Variants in MRPL58 observed in about 807,000 individuals in gnomAD.
MRPL58 encodes large ribosomal subunit protein mL62.
In MRPL58, 17 loss-of-function variants were observed where a neutral mutation model predicts 26.0. The ratio of observed to expected loss-of-function variants is 0.65; its 90% CI spans 0.45 to 0.98. MRPL58 has a LOEUF of 0.98. MRPL58 is among the 50% of genes least tolerant of loss of function. The probability of loss-of-function intolerance (pLI) is 0.00; values close to 1 mark genes in which losing one functional copy is unlikely to be tolerated. For missense variants in MRPL58, 250 were observed against 269.0 expected, an observed-to-expected ratio of 0.93 and a Z score of 0.49; for synonymous variants, 100 against 99.7, an observed-to-expected ratio of 1.00 and a Z score of -0.02.
chr17:75,019,832 G>A (rs538527973), intron 3 of MRPL58, 73 bp downstream of exon 3: 1 of 1,174,582 alleles, frequency 8.5e-7, no homozygotes, highest in South Asian at 1.5e-5. Context: ...CTCTGTGTTT[G>A]TGTTCATATG....
chr17:75,016,060 C>CA (rs112220441), intron 1 of MRPL58, among the ~76,000 whole-genome samples: 151,773 of 151,774 alleles, frequency 1, 75,886 homozygotes, highest in Non-Finnish European at 1. Flanking sequence ...GCTGGGATTA[C>CA]GGCGTGAGCC....
chr17:75,019,601 C>G, intron 2 of MRPL58, 99 bp from the exon 3 acceptor site: 1 of 1,185,808 alleles, frequency 8.4e-7, no homozygotes, highest in South Asian at 1.3e-5. Flanking sequence ...TGAAATTTTC[C>G]CAATATAATA....
At chr17:75,019,816 G>A in intron 3 of MRPL58, 57 bp downstream of exon 3, 2 of 1,375,600 alleles carry the variant, frequency 1.5e-6, no homozygotes, top group Non-Finnish European at 2.0e-6. Flanking sequence ...AGATGGGCTT[G>A]AGGAGCTCTG....
intron 3 of MRPL58, 121 bp downstream of exon 3, chr17:75,019,880 C>A (rs2040002463): frequency 1.5e-6 from 1 of 676,538 alleles, no homozygotes; most frequent in Non-Finnish European, 2.5e-6. Context: ...TTAATACTGC[C>A]AGCTTATAAT....
At position 75,012,885 on chromosome 17, in the gene MRPL58, G is replaced by A. The variant is rs778773481; in HGVS notation, c.186+13G>A. The A allele has an allele frequency of 1.0e-5, 16 of 1,599,944 alleles. No homozygotes were observed. The highest frequency in any genetic ancestry group is 1.3e-5 in the Non-Finnish European group (15 of 1,174,922). On this transcript the variant is annotated intron_variant, in intron 1 of 5. Transcript: ENST00000301585. Reference sequence around the variant, plus strand: ...CTGGAGGGTCCCGGTGAGCCGGGAAGGACTGGACGGAAGGGGCGTTTTGTC... The same window carrying A: ...CTGGAGGGTCCCGGTGAGCCGGGAAAGACTGGACGGAAGGGGCGTTTTGTC...
chr17:75,019,832 G>T, intron 3 of MRPL58, 73 bp downstream of exon 3: 2 of 1,174,582 alleles, frequency 1.7e-6, no homozygotes, highest in Non-Finnish European at 2.4e-6. Context: ...CTCTGTGTTT[G>T]TGTTCATATG....
chr17:75,018,136 G>A (rs1234735262), intron 2 of MRPL58, among the ~76,000 whole-genome samples: 5 of 147,882 alleles, frequency 3.4e-5, no homozygotes, highest in Non-Finnish European at 7.5e-5. Context: ...TTCTCATGAC[G>A]TGGAGCACTC....
chr17:75,020,999 G>T lies in MRPL58; in HGVS notation c.615G>T (p.Met205Ile). The change falls in exon 6 of 6, where the codon ATG (methionine) becomes ATT (isoleucine). Residue 205 changes from methionine to isoleucine, a missense_variant. Physicochemically the swap from Met to Ile is conservative, Grantham distance 10. Transcript: ENST00000301585. ...SAVKTSRRVDMD is the reference protein window; with the variant it reads ...SAVKTSRRVDID ...TAAAGACAAGCAGGAGGGTCGACAT[G>T]GACTGAAATCACCCTCTGCAGCTGG... 1 of 1,612,246 alleles carries T rather than the reference G, an allele frequency of 6.2e-7. No individual in the cohort carries two copies.
At position 75,012,789 on chromosome 17, in the gene MRPL58, G is replaced by A. The variant is rs777636056; in HGVS notation, c.103G>A (p.Asp35Asn). ...CPRRALHKQK[D>N]GTEFKSIYSL... The stretch of plus-strand genomic sequence containing the variant: ...ACGCCGGGCGCTGCACAAGCAGAAA[G>A]ACGGCACTGAGTTCAAGAGCATCTA... The change falls in exon 1 of 6, where the codon GAC becomes AAC. Residue 35 changes from aspartate to asparagine, a missense_variant. Coordinates refer to ENST00000301585, the MANE Select transcript of MRPL58 (RefSeq NM_001545.3). The A allele has an allele frequency of 2.5e-6, 4 of 1,610,122 alleles. No homozygotes were observed. The highest frequency in any genetic ancestry group is 2.2e-5 in the South Asian group (2 of 90,554).
intron 5 of MRPL58, 114 bp downstream of exon 5, chr17:75,020,771 G>A: frequency 7.7e-7 from 1 of 1,294,246 alleles, no homozygotes; most frequent in Non-Finnish European, 1.1e-6. Context: ...ACTCTAGGAA[G>A]AGGAGAGGAT....
At chr17:75,015,697 A>G (rs951318848) in intron 1 of MRPL58, among the ~76,000 whole-genome samples, 1 of 152,180 alleles carries the variant, frequency 6.6e-6, no homozygotes, top group Admixed American at 6.5e-5. Flanking sequence ...GGTGTGGCCC[A>G]TGATCTTCAG....
rs777113526 is a variant in MRPL58 at position 75,020,589 on chromosome 17, C to T, written c.468C>T (p.Asp156=). The change falls in exon 5 of 6, where the codon GAC becomes GAT. Residue 156 remains aspartate (D), a synonymous_variant. Transcript: ENST00000301585. ...CAGATTGCCTGCAGAAAATTCGAGA[C>T]ATGATCACTGAGGCCAGCCAGACAC... ...NLADCLQKIR[D]MITEASQTPK... is the part of the protein sequence containing the mutation. 6 of 1,614,120 alleles carry T rather than the reference C, an allele frequency of 3.7e-6. No individual in the cohort carries two copies. Among genetic ancestry groups the T allele is most frequent in the Non-Finnish European group, 3.4e-6 (4 of 1,180,022 alleles).
chr17:75,012,984 G>A (rs936293360), intron 1 of MRPL58, 112 bp downstream of exon 1: 4 of 979,458 alleles, frequency 4.1e-6, no homozygotes, highest in Admixed American at 3.0e-5. Context: ...CTACGTGATG[G>A]TCGCCGCGGG....
At chr17:75,020,743 A>G in intron 5 of MRPL58, 86 bp downstream of exon 5, 1 of 1,450,864 alleles carries the variant, frequency 6.9e-7, no homozygotes, top group Non-Finnish European at 9.6e-7. Context: ...GGAGAGTCCA[A>G]GGCCGGCCTT....
chr17:75,017,882 C>A (rs2039985600), intron 2 of MRPL58, among the ~76,000 whole-genome samples: 2 of 152,074 alleles, frequency 1.3e-5, no homozygotes, highest in South Asian at 4.1e-4. Flanking sequence ...TGAGATCGCA[C>A]CACTGCACTC....
chr17:75,019,177 G>A (rs1230730174), intron 2 of MRPL58, among the ~76,000 whole-genome samples: 2 of 152,098 alleles, frequency 1.3e-5, no homozygotes, highest in East Asian at 1.9e-4. Context: ...ATGTGTGTAG[G>A]GGAGGAGGCA....
chr17:75,020,378 C>G lies in MRPL58; in HGVS notation c.349C>G (p.Gln117Glu), dbSNP rs767525513. 1 of 1,614,112 alleles carries G rather than the reference C, an allele frequency of 6.2e-7. No individual in the cohort carries two copies. The highest frequency in any genetic ancestry group is 1.7e-5 in the Admixed American group (1 of 60,002). The change falls in exon 4 of 6, where the codon CAG becomes GAG. Residue 117 changes from glutamine (Q) to glutamate (E), a missense_variant. Coordinates refer to ENST00000301585, the MANE Select transcript of MRPL58 (RefSeq NM_001545.3). ...TAEWIAEPVR[Q>E]KIAITHKNKI... ...CGAGTGGATCGCGGAGCCCGTGCGG[C>G]AGAAGATAGCCATCACGGTAACCAC...
intron 2 of MRPL58, 119 bp downstream of exon 2, chr17:75,017,233 G>T (rs544390415): frequency 2.6e-6 from 2 of 756,164 alleles, no homozygotes; most frequent in African/African-American, 1.7e-5. Context: ...GGAGGTTGCA[G>T]TGGGCCGAGT....
chr17:75,013,701 G>A (rs777217765), intron 1 of MRPL58, among the ~76,000 whole-genome samples: 2 of 152,148 alleles, frequency 1.3e-5, no homozygotes, highest in Non-Finnish European at 2.9e-5. Context: ...TAACGACCTG[G>A]AAGAAGCCAG....
Sources: allele counts gnomAD v4.1 joint callset (sites outside exome capture counted in the v4.1 genomes callset), GRCh38; gene constraint gnomAD v4.1.1; transcripts MANE v1.5; gene names NCBI Gene and HGNC (gene_info 2026-07-23, HGNC 2026-07-21).